Variants in DMD observed in about 807,000 individuals in gnomAD.
DMD encodes the protein dystrophin.
In DMD, 63 loss-of-function variants were observed where a neutral mutation model predicts 330.1. That is an observed-to-expected ratio of 0.19 (90% confidence interval 0.16 to 0.24). DMD has a LOEUF of 0.24. Among genes scored for constraint, DMD ranks in the 10% least tolerant of loss-of-function variants. DMD has a pLI of 1.00. For missense variants in DMD, 3,344 were observed against 2,684.1 expected (o/e 1.25, Z -5.43); for synonymous variants, 1,223 against 959.8 (o/e 1.27, Z -5.07).
intron 1 of DMD, among the ~76,000 whole-genome samples, chrX:33,324,823 C>T (rs989571672): frequency 8.9e-6 from 1 of 111,761 alleles, no homozygotes; most frequent in African/African-American, 3.2e-5. Context: ...GGCAAAAAAG[C>T]AATCATGAAT....
chrX:32,452,784 T>C (rs2098339667), intron 26 of DMD, among the ~76,000 whole-genome samples: 1 of 111,121 alleles, frequency 9.0e-6, no homozygotes, highest in Non-Finnish European at 1.9e-5. Context: ...TTCTTGTCCA[T>C]TTAGAATAAA....
chrX:33,265,385 T>C (rs2053026678), intron 1 of DMD, among the ~76,000 whole-genome samples: 1 of 111,242 alleles, frequency 9.0e-6, no homozygotes, highest in South Asian at 3.7e-4. Context: ...ATTTATTTTT[T>C]TGCTACAATT....
chrX:32,334,761 T>A (rs1441115750), intron 41 of DMD, among the ~76,000 whole-genome samples: 1 of 111,938 alleles, frequency 8.9e-6, no homozygotes, highest in Non-Finnish European at 1.9e-5. Flanking sequence ...ACTGCAACTG[T>A]CTAGATGTGA....
chrX:31,470,218 G>C (rs755067960), intron 59 of DMD, among the ~76,000 whole-genome samples: 2 of 111,569 alleles, frequency 1.8e-5, no homozygotes, highest in South Asian at 7.6e-4. Flanking sequence ...TCCCTTGCTG[G>C]AGAGGAGTTG....
chrX:32,807,376 T>C (rs1442538341), intron 7 of DMD, among the ~76,000 whole-genome samples: 1 of 111,058 alleles, frequency 9.0e-6, no homozygotes, highest in Non-Finnish European at 1.9e-5. Flanking sequence ...CTCTTTCAAT[T>C]GGAAGAGTCT....
chrX:32,996,960 A>G (rs2093137431), intron 2 of DMD, among the ~76,000 whole-genome samples: 1 of 112,334 alleles, frequency 8.9e-6, no homozygotes, highest in South Asian at 3.7e-4. Flanking sequence ...GAAATAAAAC[A>G]GATTAATGAA....
intron 44 of DMD, among the ~76,000 whole-genome samples, chrX:32,153,307 AG>A (rs2096814478): frequency 8.9e-6 from 1 of 111,985 alleles, no homozygotes. Flanking sequence ...AAGACCTTTA[AG>A]TGTTATTTTT....
chrX:31,736,136 T>C lies in DMD; in HGVS notation c.7543-6388A>G, dbSNP rs182631037. Reference sequence around the variant, plus strand: ...TCTTGGCTGAAGCACTGGTTAATCGTTGATGGGAAGAACACATTTAAACAC... The same window carrying C: ...TCTTGGCTGAAGCACTGGTTAATCGCTGATGGGAAGAACACATTTAAACAC... On this transcript the variant is annotated intron_variant, in intron 51 of 78. Coordinates refer to ENST00000357033, the MANE Select transcript of DMD (RefSeq NM_004006.3). 9.5e-4 allele frequency among the ~76,000 whole-genome samples: 106 copies of C among 111,990 alleles called. 2 individuals carry two copies. The highest frequency in any genetic ancestry group is 3.4e-3 in the African/African-American group (105 of 30,851).
At position 32,382,678 on chromosome X, in the gene DMD, G is replaced by C. The variant is rs934421745; in HGVS notation, c.4675-1998C>G. Among the ~76,000 whole-genome samples the C allele has an allele frequency of 1.6e-4, 17 of 108,728 alleles. No homozygotes were observed. The Admixed American group carries it at 1.7e-3, about 11-fold the overall frequency. 94.4% of individuals were successfully genotyped at this position (108,728 alleles called of 115,157 possible). On this transcript the variant is annotated intron_variant, in intron 33 of 78. Transcript: ENST00000357033. ...TGACTGCAAGAATTTTGTGTTGTAG[G>C]GGTGTGTGGGGGGTGAGGGAAAATA...
At chrX:32,703,086 C>T (rs1378050686) in intron 7 of DMD, among the ~76,000 whole-genome samples, 2 of 111,444 alleles carry the variant, frequency 1.8e-5, no homozygotes, top group Non-Finnish European at 3.8e-5. Flanking sequence ...AGTGGATTCA[C>T]TTCAATGAAG....
chrX:32,135,663 T>A (rs1477876470), intron 44 of DMD, among the ~76,000 whole-genome samples: 1 of 112,427 alleles, frequency 8.9e-6, no homozygotes, highest in East Asian at 2.8e-4. Context: ...GTTGAGGCAG[T>A]GAGCCATGAA....
intron 2 of DMD, among the ~76,000 whole-genome samples, chrX:32,944,363 A>T (rs970354728): frequency 8.9e-6 from 1 of 111,753 alleles, no homozygotes; most frequent in Non-Finnish European, 1.9e-5. Context: ...ATATTCACCT[A>T]TCGTTCTTCC....
At chrX:32,582,587 A>G (rs966693007) in intron 13 of DMD, among the ~76,000 whole-genome samples, 3 of 111,898 alleles carry the variant, frequency 2.7e-5, no homozygotes, top group Non-Finnish European at 5.6e-5. Context: ...TTAAAACCAC[A>G]GCAGATTCTT....
intron 1 of DMD, among the ~76,000 whole-genome samples, chrX:33,122,806 TTCTC>T (rs1392265791): frequency 1.8e-5 from 2 of 111,659 alleles, no homozygotes; most frequent in Non-Finnish European, 3.8e-5. Context: ...CCACTTCTCT[TTCTC>T]TCCCTCTCTC....
intron 44 of DMD, among the ~76,000 whole-genome samples, chrX:32,065,195 G>A (rs6527159): frequency 0.41 from 45,410 of 110,107 alleles, 8,360 homozygotes; most frequent in African/African-American, 0.73. Flanking sequence ...TGAGCTGATT[G>A]TCTACGTAAT....
intron 44 of DMD, among the ~76,000 whole-genome samples, chrX:31,975,067 TC>T (rs1422735696): frequency 9.1e-6 from 1 of 110,242 alleles, no homozygotes; most frequent in Non-Finnish European, 1.9e-5. Context: ...AATCACGTGC[TC>T]CTCAATTTCA....
intron 2 of DMD, among the ~76,000 whole-genome samples, chrX:32,910,989 T>G (rs2087189405): frequency 8.9e-6 from 1 of 111,843 alleles, no homozygotes; most frequent in Admixed American, 9.5e-5. Context: ...GCAGTCTTCA[T>G]CAACAGTTTG....
rs112016307 is a variant in DMD at position 31,940,682 on chromosome X, C to CTTT, written c.6615-8458_6615-8456dup. On this transcript the variant is annotated intron_variant, in intron 45 of 78. Transcript: ENST00000357033. Reference sequence around the variant, plus strand: ...TTATGTTAAGCCACTGAGGTGTGGGCTTTTTTTTTTTTATAGCAGCTTTAA... The same window carrying CTTT: ...TTATGTTAAGCCACTGAGGTGTGGGCTTTTTTTTTTTTTTTATAGCAGCTTTAA... 6.9e-3 allele frequency among the ~76,000 whole-genome samples: 687 copies of CTTT among 99,592 alleles called. 5 individuals are homozygous for CTTT. The highest frequency in any genetic ancestry group is 0.01 in the Non-Finnish European group (493 of 49,192). The allele number at this position is 99,592 out of a possible 115,157, so 86.5% of individuals were successfully genotyped here.
chrX:33,334,263 G>C (rs1162962678), intron 1 of DMD, among the ~76,000 whole-genome samples: 1 of 111,459 alleles, frequency 9.0e-6, no homozygotes, highest in Non-Finnish European at 1.9e-5. Context: ...TATCTGTTAG[G>C]CTGCATATTT....
Sources: allele counts gnomAD v4.1 joint callset (sites outside exome capture counted in the v4.1 genomes callset), GRCh38; gene constraint gnomAD v4.1.1; transcripts MANE v1.5; gene names NCBI Gene and HGNC (gene_info 2026-07-23, HGNC 2026-07-21).